CHST9: variants seen among roughly 807,000 people sequenced by gnomAD.
CHST9 encodes the protein GalNAc-4-sulfotransferase 2.
A neutral mutation model predicts 44.4 loss-of-function variants in CHST9; 41 were observed. The ratio of observed to expected loss-of-function variants is 0.92; its 90% confidence interval spans 0.72 to 1.20. The LOEUF (loss-of-function observed/expected upper bound fraction) is 1.20, where lower values mean the gene tolerates loss of function less well. Ranked by LOEUF, CHST9 falls within the 50% of genes most tolerant of loss-of-function variation. The probability of loss-of-function intolerance (pLI) is 0.00; values close to 1 mark genes in which losing one functional copy is unlikely to be tolerated. For synonymous variants in CHST9, 171 were observed against 178.4 expected (o/e 0.96, Z 0.33); for missense variants, 504 against 516.5 (o/e 0.98, Z 0.23).
intron 1 of CHST9, among the ~76,000 whole-genome samples, chr18:27,156,236 A>G (rs979004060): frequency 2.6e-5 from 4 of 151,992 alleles, no homozygotes; most frequent in Admixed American, 1.3e-4. Flanking sequence ...GAGAAAATCA[A>G]AAAGGACCAA....
chr18:27,031,514 A>G (rs1433597516), intron 3 of CHST9, among the ~76,000 whole-genome samples: 3 of 152,140 alleles, frequency 2.0e-5, no homozygotes, highest in Admixed American at 1.3e-4. Context: ...AGCACATCAA[A>G]TTACAACTGT....
chr18:27,169,766 C>T (rs965359224), intron 1 of CHST9, among the ~76,000 whole-genome samples: 2 of 151,772 alleles, frequency 1.3e-5, no homozygotes, highest in Admixed American at 6.6e-5. Context: ...ACCACCATGC[C>T]GGCTAATTTT....
chr18:27,025,328 T>A (rs1225892357), intron 3 of CHST9, among the ~76,000 whole-genome samples: 1 of 151,768 alleles, frequency 6.6e-6, no homozygotes, highest in African/African-American at 2.4e-5. Flanking sequence ...TAAGCAATGG[T>A]AGGATTAATT....
Position 26,909,759 on chromosome 18 carries a change from G to A in CHST9, c.*6500C>T, listed in dbSNP as rs2055414778. On this transcript the variant is annotated 3_prime_UTR_variant, in exon 6 of 6. Transcript: ENST00000618847. ...CTCCACCTCTCTAAGTATAGAAGTGGGGGGAGGAGTAGGAGGAGTAGGAGG... is the reference window on the plus strand; with the variant it reads ...CTCCACCTCTCTAAGTATAGAAGTGAGGGGAGGAGTAGGAGGAGTAGGAGG... The A allele has an allele frequency of 6.6e-6, 1 of 152,196 alleles. No homozygotes were observed. Among genetic ancestry groups the A allele is most frequent in the Admixed American group, 6.6e-5 (1 of 15,256 alleles). 9.4% of individuals were successfully genotyped at this position (152,196 alleles called of 1,614,324 possible).
At chr18:27,161,106 T>C (rs1027457390) in intron 1 of CHST9, among the ~76,000 whole-genome samples, 1 of 151,858 alleles carries the variant, frequency 6.6e-6, no homozygotes, top group African/African-American at 2.4e-5. Context: ...GTGTCTCTAT[T>C]TCCTTCAGTT....
chr18:27,137,324 G>A (rs750635797), intron 2 of CHST9, among the ~76,000 whole-genome samples: 3,437 of 134,034 alleles, frequency 0.026, 69 homozygotes, highest in Middle Eastern at 0.048. Context: ...GTGTGTGTGT[G>A]TGTGTGTGTG....
intron 1 of CHST9, among the ~76,000 whole-genome samples, chr18:27,160,578 T>G (rs931351160): frequency 5.3e-5 from 8 of 152,264 alleles, no homozygotes; most frequent in African/African-American, 1.9e-4. Flanking sequence ...TCTCTTTTTT[T>G]GTTGTGTCTC....
At chr18:26,920,382 CA>C (rs2055626343) in intron 5 of CHST9, among the ~76,000 whole-genome samples, 1 of 152,238 alleles carries the variant, frequency 6.6e-6, no homozygotes, top group African/African-American at 2.4e-5. Flanking sequence ...TTTCCCTATT[CA>C]CCCTGTCTAG....
At chr18:27,098,917 C>G (rs2058144144) in intron 2 of CHST9, among the ~76,000 whole-genome samples, 1 of 151,652 alleles carries the variant, frequency 6.6e-6, no homozygotes, top group African/African-American at 2.4e-5. Context: ...AAGGAAAAAG[C>G]TGGAGGCATC....
intron 3 of CHST9, 75 bp from the exon 4 acceptor site, chr18:27,024,232 A>G (rs921338369): frequency 8.2e-7 from 1 of 1,221,452 alleles, no homozygotes. Context: ...CTACACAAAG[A>G]TGCCTCAAAG....
chr18:27,058,001 A>G (rs1416967913), intron 2 of CHST9, among the ~76,000 whole-genome samples: 1 of 152,220 alleles, frequency 6.6e-6, no homozygotes, highest in Non-Finnish European at 1.5e-5. Context: ...TAAATCTTAG[A>G]GTAAACCTTT....
chr18:27,024,327 C>A (rs577955618), intron 3 of CHST9, among the ~76,000 whole-genome samples, 170 bp from the exon 4 acceptor site: 1 of 152,202 alleles, frequency 6.6e-6, no homozygotes, highest in East Asian at 1.9e-4. Flanking sequence ...GTGTTTCTGG[C>A]CTGATTAAGC....
In CHST9 at chr18:27,084,157, C is replaced by T. The variant is rs568623822; in HGVS notation, c.122-35654G>A. Among the ~76,000 whole-genome samples, 117 of 151,154 alleles carry T rather than the reference C, an allele frequency of 7.7e-4. 1 individual carries two copies. The highest frequency in any genetic ancestry group is 7.1e-3 in the East Asian group (36 of 5,080). ...TTTGGTATCAGAATGATGCTGGCATCATATAAAGAGTTAGAGAGGAGTTCC... is the reference window on the plus strand; with the variant it reads ...TTTGGTATCAGAATGATGCTGGCATTATATAAAGAGTTAGAGAGGAGTTCC... On this transcript the variant is annotated intron_variant, in intron 2 of 5. Transcript: ENST00000618847.
At chr18:26,961,815 G>T (rs1400223557) in intron 4 of CHST9, among the ~76,000 whole-genome samples, 2 of 152,180 alleles carry the variant, frequency 1.3e-5, no homozygotes, top group African/African-American at 4.8e-5. Flanking sequence ...TAAGAAACAT[G>T]GGTGAGGCTT....
chr18:27,106,649 G>A (rs1407452623), intron 2 of CHST9, among the ~76,000 whole-genome samples: 1 of 152,080 alleles, frequency 6.6e-6, no homozygotes, highest in Admixed American at 6.6e-5. Context: ...CTGGCTAATG[G>A]TAAAAAATTT....
At chr18:27,011,252 A>G (rs2057080553) in intron 4 of CHST9, among the ~76,000 whole-genome samples, 2 of 152,172 alleles carry the variant, frequency 1.3e-5, no homozygotes, top group Admixed American at 1.3e-4. Context: ...ATAAAACACC[A>G]CTGAAGTGGC....
At chr18:27,105,376 TG>T (rs1396017485) in intron 2 of CHST9, among the ~76,000 whole-genome samples, 3 of 152,196 alleles carry the variant, frequency 2.0e-5, no homozygotes, top group African/African-American at 7.2e-5. Context: ...AGAAGACTTC[TG>T]TCTTTGTCAG....
intron 1 of CHST9, among the ~76,000 whole-genome samples, chr18:27,161,047 T>C (rs4641833): frequency 0.41 from 62,266 of 151,706 alleles, 13,161 homozygotes; most frequent in East Asian, 0.62. Context: ...TTTGTTGATC[T>C]TTTCAAAAAA....
intron 2 of CHST9, among the ~76,000 whole-genome samples, chr18:27,060,180 A>C (rs2143609637): frequency 6.6e-6 from 1 of 152,330 alleles, no homozygotes; most frequent in East Asian, 1.9e-4. Flanking sequence ...TATTGTAAAA[A>C]GTAAACAAGA....
Sources: gnomAD v4.1 joint callset for allele counts (sites outside exome capture counted in the v4.1 genomes callset) on GRCh38, gnomAD v4.1.1 for gene constraint, MANE v1.5 for transcripts, NCBI Gene and HGNC (gene_info 2026-07-23, HGNC 2026-07-21) for gene names.